Variants in NEMP2 observed in about 807,000 individuals in gnomAD.
NEMP2 encodes nuclear envelope integral membrane protein 2.
Under a neutral mutation model 54.2 loss-of-function variants are expected in NEMP2, and 53 were observed. The ratio of observed to expected loss-of-function variants is 0.98; its 90% CI spans 0.78 to 1.23. NEMP2 has a LOEUF of 1.23. Among genes scored for constraint, NEMP2 ranks in the 50% most tolerant of loss-of-function variants. NEMP2 has a pLI of 0.00. For synonymous variants in NEMP2, 197 were observed against 190.3 expected (o/e 1.04, Z -0.29); for missense variants, 455 against 511.3 (o/e 0.89, Z 1.06).
At chr2:190,448,644 A>T in the NEMP2 span, among the ~76,000 whole-genome samples, 5 of 152,208 alleles carry the variant, frequency 3.3e-5, no homozygotes, top group African/African-American at 9.7e-5. Flanking sequence ...GGATTTACAT[A>T]TATATAAAGA....
chr2:190,477,932 T>G, the NEMP2 span, among the ~76,000 whole-genome samples: 1 of 144,516 alleles, frequency 6.9e-6, no homozygotes, highest in Non-Finnish European at 1.6e-5. Flanking sequence ...CTAAAGAGAG[T>G]AGGCATTCCA....
the NEMP2 span, among the ~76,000 whole-genome samples, chr2:190,637,097 G>A: frequency 6.6e-6 from 1 of 152,182 alleles, no homozygotes; most frequent in Non-Finnish European, 1.5e-5. This position sits in a 1 kb window ranked among gnomAD's most constrained non-coding sequence, Gnocchi z 4.5. Flanking sequence ...CTGACAGGGA[G>A]ATCCTGGAAT....
chr2:190,577,446 T>C, the NEMP2 span, among the ~76,000 whole-genome samples: 12 of 152,226 alleles, frequency 7.9e-5, no homozygotes, highest in Non-Finnish European at 1.5e-4. The surrounding 1 kb of genome is among the most constrained non-coding windows in gnomAD (Gnocchi z 4.8). Context: ...AAAATTCACA[T>C]GTTCTTATTA....
the NEMP2 span, chr2:190,437,690 G>A: frequency 1.3e-5 from 15 of 1,122,960 alleles, no homozygotes; most frequent in Admixed American, 2.8e-4. The surrounding 1 kb of genome is among the most constrained non-coding windows in gnomAD (Gnocchi z 5.9). Context: ...TGGAAATGGG[G>A]ATTTCTGTTT....
the NEMP2 span, among the ~76,000 whole-genome samples, chr2:190,429,227 C>CGTGTGT: frequency 1.0e-3 from 151 of 148,908 alleles, 1 homozygote; most frequent in Admixed American, 4.8e-3. Flanking sequence ...TCTTTTGTTA[C>CGTGTGT]GTGTGTGTGT....
chr2:190,428,692 G>T, the NEMP2 span, among the ~76,000 whole-genome samples: 3 of 140,222 alleles, frequency 2.1e-5, no homozygotes, highest in Non-Finnish European at 3.2e-5. Context: ...TTTATTTATT[G>T]AGACAGAGTT....
chr2:190,642,106 T>TA, the NEMP2 span, among the ~76,000 whole-genome samples: 1 of 152,338 alleles, frequency 6.6e-6, no homozygotes, highest in Admixed American at 6.5e-5. The surrounding 1 kb of genome is among the most constrained non-coding windows in gnomAD (Gnocchi z 4.1). Flanking sequence ...AGATGATTTC[T>TA]AGGATCCCAC....
At chr2:190,565,540 G>A in the NEMP2 span, among the ~76,000 whole-genome samples, 1,704 of 152,250 alleles carry the variant, frequency 0.011, 34 homozygotes, top group African/African-American at 0.038. Context: ...GAAGGATACA[G>A]AATTGGACAA....
the NEMP2 span, among the ~76,000 whole-genome samples, chr2:190,563,834 C>A: frequency 9.2e-5 from 14 of 152,214 alleles, no homozygotes; most frequent in African/African-American, 2.9e-4. The surrounding 1 kb of genome is among the most constrained non-coding windows in gnomAD (Gnocchi z 4.3). Context: ...AGAGCCAATA[C>A]CAGAAACAAG....
At chr2:190,568,077 C>T in the NEMP2 span, 1 of 152,078 alleles carries the variant, frequency 6.6e-6, no homozygotes, top group African/African-American at 2.4e-5. This position sits in a 1 kb window ranked among gnomAD's most constrained non-coding sequence, Gnocchi z 4.7. Context: ...TTACAGGAAG[C>T]TACTGCAGGA....
chr2:190,536,242 A>G (rs1559173829), upstream of NEMP2, among the ~76,000 whole-genome samples: 1 of 152,118 alleles, frequency 6.6e-6, no homozygotes, highest in Non-Finnish European at 1.5e-5. Flanking sequence ...AACCTCTCCA[A>G]ACTTTTCTTC....
the NEMP2 span, among the ~76,000 whole-genome samples, chr2:190,588,616 A>T: frequency 1.3e-5 from 2 of 152,144 alleles, no homozygotes; most frequent in Non-Finnish European, 2.9e-5. The surrounding 1 kb of genome is among the most constrained non-coding windows in gnomAD (Gnocchi z 5.0). Flanking sequence ...GACCTTGTGG[A>T]TGGGGTCCTT....
the NEMP2 span, among the ~76,000 whole-genome samples, chr2:190,482,307 C>A: frequency 6.6e-6 from 1 of 151,942 alleles, no homozygotes; most frequent in East Asian, 1.9e-4. Context: ...CCAATATAGA[C>A]TTTTTCTTTT....
At chr2:190,582,007 G>A in the NEMP2 span, among the ~76,000 whole-genome samples, 1 of 152,174 alleles carries the variant, frequency 6.6e-6, no homozygotes, top group East Asian at 1.9e-4. The surrounding 1 kb of genome is among the most constrained non-coding windows in gnomAD (Gnocchi z 4.6). Flanking sequence ...TCCACTGAGT[G>A]TTCCTATACT....
the NEMP2 span, among the ~76,000 whole-genome samples, chr2:190,574,585 C>T: frequency 1.3e-5 from 2 of 151,594 alleles, no homozygotes; most frequent in South Asian, 4.2e-4. Context: ...TTCATCATCT[C>T]AAAAAAAAGC....
the NEMP2 span, among the ~76,000 whole-genome samples, chr2:190,598,047 G>C: frequency 1.3e-5 from 2 of 152,128 alleles, no homozygotes; most frequent in East Asian, 3.9e-4. Context: ...TCTTCGTTGT[G>C]GGGCCATCCT....
the NEMP2 span, among the ~76,000 whole-genome samples, chr2:190,556,975 C>CT: frequency 1.3e-5 from 2 of 152,300 alleles, no homozygotes; most frequent in South Asian, 4.1e-4. Context: ...GAAAAAATTA[C>CT]TTTAAATTTC....
At chr2:190,564,039 G>A in the NEMP2 span, among the ~76,000 whole-genome samples, 2 of 152,228 alleles carry the variant, frequency 1.3e-5, no homozygotes, top group African/African-American at 4.8e-5. The surrounding 1 kb of genome is among the most constrained non-coding windows in gnomAD (Gnocchi z 4.2). Flanking sequence ...AGTATTTAGA[G>A]TATGAAGAAT....
chr2:190,514,400 T>C lies in NEMP2; in HGVS notation c.953+53A>G. ...TGTGTGCAAACACTCTCCCAAATAA[T>C]AAAACTAGAGCTCAAAATGTCAAAT... On this transcript the variant is annotated intron_variant, in intron 7 of 8. Transcript: ENST00000409150. This position sits in a 1 kb window ranked among gnomAD's most constrained non-coding sequence, Gnocchi z 5.7. 2 of 1,440,766 alleles carry C rather than the reference T, an allele frequency of 1.4e-6. No individual in the cohort carries two copies. The highest frequency in any genetic ancestry group is 1.9e-6 in the Non-Finnish European group (2 of 1,048,772). 89.2% of individuals were successfully genotyped at this position (1,440,766 alleles called of 1,614,324 possible). A position where few individuals can be genotyped will look rare whatever the true frequency, so the allele number is the denominator to read the frequency against.
Sources: gnomAD v4.1 joint callset for allele counts (sites outside exome capture counted in the v4.1 genomes callset) on GRCh38, gnomAD v4.1.1 for gene constraint, Gnocchi (gnomAD v3.1) non-coding constraint, MANE v1.5 for transcripts, NCBI Gene and HGNC (gene_info 2026-07-23, HGNC 2026-07-21) for gene names.